Variants in BEND7 observed in about 807,000 individuals in gnomAD.
The protein encoded by BEND7 is BEN domain containing 7.
A neutral mutation model predicts 50.9 loss-of-function variants in BEND7; 28 were observed. That is an observed-to-expected ratio of 0.55 (90% CI 0.41 to 0.75). BEND7 has a LOEUF of 0.75. Ranked by LOEUF, BEND7 falls within the 30% of genes least tolerant of loss-of-function variation. The pLI is 0.00. For missense variants in BEND7, 477 were observed against 491.3 expected, an observed-to-expected ratio of 0.97 and a Z score of 0.28; for synonymous variants, 170 against 183.9, an observed-to-expected ratio of 0.92 and a Z score of 0.61.
chr10:13,493,533 C>G (rs933239020), intron 4 of BEND7, among the ~76,000 whole-genome samples: 1 of 152,214 alleles, frequency 6.6e-6, no homozygotes, highest in Non-Finnish European at 1.5e-5. Flanking sequence ...TCAGACCAGG[C>G]TACTTCTCTA....
rs1475485666 is a variant in BEND7, at chr10:13,488,638, C to T, written c.837+3973G>A. ...AAGTAGCTGGGATTACAGGCATGCG[C>T]CACTGCGCCTAGCTATTTTTTTTTA... On this transcript the variant is annotated intron_variant, in intron 5 of 8. Transcript: ENST00000466271. Among the ~76,000 whole-genome samples, 9 of 152,320 alleles carry T rather than the reference C, an allele frequency of 5.9e-5. No homozygotes were observed. The East Asian group carries it at 1.2e-3, about 20-fold the overall frequency.
At chr10:13,438,874 C>A, downstream of BEND7, 1 of 334,832 alleles carries the variant, frequency 3.0e-6, no homozygotes, top group Non-Finnish European at 5.5e-6. Context: ...ACCCTCCTCT[C>A]AATCTTGGGT....
intron 2 of BEND7, among the ~76,000 whole-genome samples, chr10:13,514,063 A>G (rs1050806989): frequency 7.1e-6 from 1 of 141,684 alleles, no homozygotes; most frequent in African/African-American, 2.7e-5. Flanking sequence ...CTCAGCCCCA[A>G]CACCACATTG....
rs948886169 is a variant in BEND7 at position 13,496,788 on chromosome 10, C to T, written c.549G>A (p.Arg183=). The T allele has an allele frequency of 6.2e-7, 1 of 1,613,788 alleles. No individual in the cohort carries two copies. Among genetic ancestry groups the T allele is most frequent in the Admixed American group, 1.7e-5 (1 of 59,962 alleles). The change falls in exon 4 of 9, where the codon AGG becomes AGA. Residue 183 remains arginine, a synonymous_variant. Transcript: ENST00000466271. ...TACCTGCTTGAATTTGCATTAATTT[C>T]CTCATGGTCTTGAGTTCTTGTAGAA... ...QAILQELKTM[R]KLMQIQAVGT...
rs74814908 is a variant in BEND7 at position 13,492,934 on chromosome 10, A to C, written c.572-58T>G. 3.9e-6 allele frequency: 6 copies of C among 1,555,980 alleles called. No individual in the cohort carries two copies. In the East Asian group the frequency reaches 1.1e-4, roughly 29 times the overall value. On this transcript the variant is annotated intron_variant, in intron 4 of 8. Transcript: ENST00000466271. ...ACGTGTGTCTGACTTAGGAAAACTT[A>C]TCTCCGGTCTATCCATGTGATCTAC...
chr10:13,513,436 C>T (rs1275425397), intron 2 of BEND7, among the ~76,000 whole-genome samples: 1 of 152,198 alleles, frequency 6.6e-6, no homozygotes, highest in Non-Finnish European at 1.5e-5. Context: ...GCAACCTTAA[C>T]ATCATGTCTA....
In BEND7 at chr10:13,497,990, G is replaced by A. The variant is rs61833899; in HGVS notation, c.449-1102C>T. Among the ~76,000 whole-genome samples the A allele has an allele frequency of 8.2e-4, 123 of 150,730 alleles. 1 individual carries two copies. The highest frequency in any genetic ancestry group is 1.5e-3 in the Non-Finnish European group (103 of 67,778). The stretch of plus-strand genomic sequence containing the variant: ...TTACATTCAAAATTGTAGCAAAATT[G>A]TAATGTTACAACTTTAAAATTATAA... On this transcript the variant is annotated intron_variant, in intron 3 of 8. Coordinates refer to ENST00000466271, the MANE Select transcript of BEND7 (RefSeq NM_001369863.1).
rs1179376530 is a variant in BEND7, at chr10:13,491,331, AAT to A, written c.837+1278_837+1279del. ...CTGTCTAAAAAAAAAAAAAAAAAAA[AAT>A]GCTTAGAAAATTTAAGGACTGAATG... On this transcript the variant is annotated intron_variant, in intron 5 of 8. Coordinates refer to ENST00000466271, the MANE Select transcript of BEND7 (RefSeq NM_001369863.1). 2.3e-4 allele frequency among the ~76,000 whole-genome samples: 35 copies of A among 151,744 alleles called. 1 individual carries two copies. Among genetic ancestry groups the A allele is most frequent in the African/African-American group, 8.2e-4 (34 of 41,352 alleles).
chr10:13,527,689 A>G lies in BEND7; in HGVS notation c.61+784T>C, dbSNP rs189165490. Reference sequence around the variant, plus strand: ...ATTAAAGATGACAATGCATTTTGAGATATATTTTCACGATGGCTCTTGAGT... The same window carrying G: ...ATTAAAGATGACAATGCATTTTGAGGTATATTTTCACGATGGCTCTTGAGT... On this transcript the variant is annotated intron_variant, in intron 1 of 8. Coordinates refer to ENST00000466271, the MANE Select transcript of BEND7 (RefSeq NM_001369863.1). 4.4e-4 allele frequency: 115 copies of G among 259,534 alleles called. 2 individuals are homozygous for G. The highest frequency in any genetic ancestry group is 3.8e-3 in the Admixed American group (59 of 15,386). 16.1% of individuals were successfully genotyped at this position (259,534 alleles called of 1,614,324 possible).
In BEND7 at chr10:13,500,805, G is replaced by A. The variant is rs954783033; in HGVS notation, c.146-725C>T. ...GCCTGGTGATGACCGAGGGGTCCCT[G>A]CCACTCGAGGTCACTGGCGGTACCA... On this transcript the variant is annotated intron_variant, in intron 2 of 8. Coordinates refer to ENST00000466271, the MANE Select transcript of BEND7 (RefSeq NM_001369863.1). 3.6e-5 allele frequency: 35 copies of A among 985,398 alleles called. No homozygotes were observed. In the African/African-American group the frequency reaches 5.9e-4, roughly 17 times the overall value. 61.0% of individuals were successfully genotyped at this position (985,398 alleles called of 1,614,324 possible). A position where few individuals can be genotyped will look rare whatever the true frequency, so the allele number is the denominator to read the frequency against.
intron 7 of BEND7, among the ~76,000 whole-genome samples, chr10:13,447,743 C>A (rs1836730073): frequency 6.6e-6 from 1 of 151,968 alleles, no homozygotes; most frequent in Non-Finnish European, 1.5e-5. Flanking sequence ...CGGGGTTTCA[C>A]TGTGTTAGCC....
At chr10:13,448,165 C>T (rs1262242690) in intron 7 of BEND7, among the ~76,000 whole-genome samples, 1 of 152,182 alleles carries the variant, frequency 6.6e-6, no homozygotes, top group Non-Finnish European at 1.5e-5. Context: ...GTATCCATCT[C>T]CTTGGGAGTT....
At position 13,479,702 on chromosome 10, in the gene BEND7, A is replaced by C. The variant is rs547467895; in HGVS notation, c.1063+1197T>G. Among the ~76,000 whole-genome samples, 4 of 152,308 alleles carry C rather than the reference A, an allele frequency of 2.6e-5. No individual in the cohort carries two copies. The East Asian group carries it at 7.7e-4, about 29-fold the overall frequency. On this transcript the variant is annotated intron_variant, in intron 6 of 8. Coordinates refer to ENST00000466271, the MANE Select transcript of BEND7 (RefSeq NM_001369863.1). ...GAATCACTCTTTTCAGAAATGGCAC[A>C]GTTTGTGATATCTCTGTAGCTTTTC...
At chr10:13,476,875 C>G (rs1462416588) in intron 6 of BEND7, among the ~76,000 whole-genome samples, 1 of 152,230 alleles carries the variant, frequency 6.6e-6, no homozygotes, top group East Asian at 1.9e-4. Context: ...GTGAATGTTT[C>G]TAATTAAAAA....
chr10:13,501,077 G>A (rs1483987676), intron 2 of BEND7, among the ~76,000 whole-genome samples: 1 of 152,168 alleles, frequency 6.6e-6, no homozygotes, highest in Non-Finnish European at 1.5e-5. Context: ...ATATTGCACA[G>A]ATAGAAAATC....
chr10:13,495,440 T>A (rs2076959280), intron 4 of BEND7, among the ~76,000 whole-genome samples: 1 of 152,246 alleles, frequency 6.6e-6, no homozygotes, highest in African/African-American at 2.4e-5. Flanking sequence ...GGCGGGCAGA[T>A]CACCTGAGGT....
intron 2 of BEND7, among the ~76,000 whole-genome samples, chr10:13,506,689 G>C (rs1454728719): frequency 6.6e-6 from 1 of 152,190 alleles, no homozygotes; most frequent in Non-Finnish European, 1.5e-5. Flanking sequence ...AACCTGGCTA[G>C]AATGTTATCA....
intron 8 of BEND7, 125 bp downstream of exon 8, chr10:13,447,141 G>A: frequency 1.1e-6 from 1 of 872,116 alleles, no homozygotes; most frequent in Non-Finnish European, 1.9e-6. Context: ...GACGGGGCCT[G>A]GTCCACTGCA....
At chr10:13,486,730 C>T (rs1285101549) in intron 5 of BEND7, among the ~76,000 whole-genome samples, 1 of 152,182 alleles carries the variant, frequency 6.6e-6, no homozygotes, top group Non-Finnish European at 1.5e-5. Context: ...GAAGAGAATA[C>T]AATTTGGTCC....
Sources: gnomAD v4.1 joint callset for allele counts (sites outside exome capture counted in the v4.1 genomes callset) on GRCh38, gnomAD v4.1.1 for gene constraint, MANE v1.5 for transcripts, NCBI Gene and HGNC (gene_info 2026-07-23, HGNC 2026-07-21) for gene names.